KLRK1: variants seen among roughly 807,000 people sequenced by gnomAD.
KLRK1 encodes the protein NKG2-D type II integral membrane protein.
In KLRK1, 40 loss-of-function variants were observed where a neutral mutation model predicts 31.3. The ratio of observed to expected loss-of-function variants is 1.28; its 90% CI spans 0.99 to 1.67. The LOEUF (loss-of-function observed/expected upper bound fraction) is 1.67. KLRK1 is among the 40% of genes most tolerant of loss of function. The pLI is 0.00. For missense variants in KLRK1, 251 were observed against 260.0 expected, an observed-to-expected ratio of 0.97 and a Z score of 0.24; for synonymous variants, 77 against 77.3, an observed-to-expected ratio of 1.00 and a Z score of 0.02.
rs1261132187 is a variant in KLRK1 at position 10,373,217 on chromosome 12, T to G, written c.548A>C (p.Glu183Ala). ...GAGTGCACAGTCTCCCTTCTGCATTTCAATTATTGTTAGTCTAGAGGAGAG... is the reference window on the plus strand; with the variant it reads ...GAGTGCACAGTCTCCCTTCTGCATTGCAATTATTGTTAGTCTAGAGGAGAG... The part of the protein sequence containing the change: ...ILSPNLLTII[E>A]MQKGDCALYA... The change falls in exon 8 of 8, where the codon GAA becomes GCA. Residue 183 changes from glutamate (E) to alanine (A), a missense_variant. Glu to Ala is a moderately radical substitution (Grantham distance 107, BLOSUM62 -1). Coordinates refer to ENST00000240618, the MANE Select transcript of KLRK1 (RefSeq NM_007360.4). 1 of 1,595,908 alleles carries G rather than the reference T, an allele frequency of 6.3e-7. No individual in the cohort carries two copies. Among genetic ancestry groups the G allele is most frequent in the East Asian group, 2.3e-5 (1 of 44,386 alleles).
chr12:10,373,280 G>GA, intron 7 of KLRK1, 49 bp from the exon 8 acceptor site: 1 of 1,474,744 alleles, frequency 6.8e-7, no homozygotes, highest in South Asian at 1.3e-5. Flanking sequence ...ATTAACGCGG[G>GA]AAAATAAAAA....
chr12:10,389,091 A>G (rs1484838581), intron 1 of KLRK1: 11 of 415,066 alleles, frequency 2.7e-5, no homozygotes, highest in Non-Finnish European at 3.9e-5. Flanking sequence ...TGTCATAACA[A>G]TATAATGAAC....
rs1357836512 is a variant in KLRK1 at position 10,388,761 on chromosome 12, A to G, written c.40+10T>C. The G allele has an allele frequency of 6.3e-7, 1 of 1,592,228 alleles. No homozygotes were observed. Among genetic ancestry groups the G allele is most frequent in the Non-Finnish European group, 8.5e-7 (1 of 1,179,134 alleles). On this transcript the variant is annotated intron_variant, in intron 2 of 7. Transcript: ENST00000240618. Reference sequence around the variant, plus strand: ...AAACAAAACTACACACTTATGTGGTAAAAACATACCCCAGCTGTGTCGAGA... The same window carrying G: ...AAACAAAACTACACACTTATGTGGTGAAAACATACCCCAGCTGTGTCGAGA...
chr12:10,388,558 T>C (rs879664554), intron 2 of KLRK1, among the ~76,000 whole-genome samples: 2 of 152,148 alleles, frequency 1.3e-5, no homozygotes, highest in Non-Finnish European at 2.9e-5. Context: ...GACTTTACCA[T>C]AATATAGTTA....
chr12:10,374,182 T>A (rs986012249), intron 7 of KLRK1: 1 of 152,180 alleles, frequency 6.6e-6, no homozygotes, highest in South Asian at 2.1e-4. Flanking sequence ...TCCGGCTAAT[T>A]TTTTTATTTT....
chr12:10,388,651 A>G, intron 2 of KLRK1, 120 bp downstream of exon 2: 1 of 1,158,952 alleles, frequency 8.6e-7, no homozygotes, highest in Non-Finnish European at 1.2e-6. Context: ...ATCAACATAA[A>G]TAGAACATGA....
intron 3 of KLRK1, among the ~76,000 whole-genome samples, chr12:10,384,522 T>G (rs1273738024): frequency 6.6e-6 from 1 of 151,944 alleles, no homozygotes; most frequent in Admixed American, 6.6e-5. Flanking sequence ...CTTCAATAAA[T>G]GAAGCTGAAA....
chr12:10,381,896 G>A (rs1863082818), intron 3 of KLRK1: 4 of 152,256 alleles, frequency 2.6e-5, no homozygotes, highest in Admixed American at 2.6e-4. Flanking sequence ...AAATAAGAGT[G>A]TGGGACTTTG....
At chr12:10,374,851 CATCTCTGTAGTT>C (rs1253909406) in intron 7 of KLRK1, among the ~76,000 whole-genome samples, 1 of 152,290 alleles carries the variant, frequency 6.6e-6, no homozygotes, top group African/African-American at 2.4e-5. Context: ...TTATTCTACT[CATCTCTGTAGTT>C]ATCTCTGCAT....
intron 3 of KLRK1, among the ~76,000 whole-genome samples, chr12:10,384,701 G>C (rs1160367099): frequency 2.6e-5 from 4 of 151,918 alleles, no homozygotes; most frequent in African/African-American, 9.7e-5. Context: ...GATTTTATGG[G>C]TAAGAATTCA....
chr12:10,380,059 G>GTTTTTTTTT (rs1162094591), intron 3 of KLRK1, among the ~76,000 whole-genome samples: 98 of 83,764 alleles, frequency 1.2e-3, no homozygotes, highest in African/African-American at 2.4e-3. Flanking sequence ...TGTTGTTATT[G>GTTTTTTTTT]TTTTTTTTTT....
intron 3 of KLRK1, among the ~76,000 whole-genome samples, chr12:10,385,489 C>T (rs1400291428): frequency 6.6e-6 from 1 of 151,554 alleles, no homozygotes; most frequent in Non-Finnish European, 1.5e-5. Flanking sequence ...CATAATGTTA[C>T]GTAGAGTAAA....
At chr12:10,385,637 T>C (rs1024741974) in intron 3 of KLRK1, among the ~76,000 whole-genome samples, 4 of 151,746 alleles carry the variant, frequency 2.6e-5, no homozygotes, top group Non-Finnish European at 5.9e-5. Context: ...TTGGGAGAGG[T>C]TGGTTAATGA....
At chr12:10,383,093 G>A (rs754910685) in intron 3 of KLRK1, among the ~76,000 whole-genome samples, 96 of 151,992 alleles carry the variant, frequency 6.3e-4, no homozygotes, top group Non-Finnish European at 1.2e-3. Flanking sequence ...AAGAAAGGAA[G>A]ACTTACAAAA....
At chr12:10,389,069 A>G (rs1282718341) in intron 1 of KLRK1, 194 bp from the exon 2 acceptor site, 3 of 452,564 alleles carry the variant, frequency 6.6e-6, no homozygotes, top group African/African-American at 1.9e-5. Flanking sequence ...ATAATCGCCA[A>G]TTACTTCAAA....
chr12:10,389,694 G>C (rs1370806634), intron 1 of KLRK1, among the ~76,000 whole-genome samples: 4 of 151,896 alleles, frequency 2.6e-5, no homozygotes, highest in Non-Finnish European at 4.4e-5. Context: ...TAGAGACAAG[G>C]CTTCTTCTTA....
intron 7 of KLRK1, among the ~76,000 whole-genome samples, chr12:10,374,307 C>T (rs577643767): frequency 3.3e-5 from 5 of 152,166 alleles, no homozygotes; most frequent in Non-Finnish European, 7.4e-5. Context: ...GCCACTGCAC[C>T]CGGCCCCAGC....
Position 10,378,646 on chromosome 12 carries a change from A to C in KLRK1, c.337T>G (p.Phe113Val). 6.2e-7 allele frequency: 1 copy of C among 1,610,240 alleles called. No individual in the cohort carries two copies. The highest frequency in any genetic ancestry group is 8.5e-7 in the Non-Finnish European group (1 of 1,179,204). ...TACCAGTTTTTACTCTCATCAAAAA[A>C]TTGGTAGCAGTTATTTTTGTAACAT... The part of the protein sequence containing the change: ...WICYKNNCYQ[F>V]FDESKNWYES... Residue 113 changes from phenylalanine (F) to valine (V), a missense_variant, in exon 6 of 8, where the codon TTT (phenylalanine) becomes GTT (valine). Physicochemically the swap from Phe to Val is conservative, Grantham distance 50. Transcript: ENST00000240618.
At chr12:10,384,958 A>T (rs1468067396) in intron 3 of KLRK1, among the ~76,000 whole-genome samples, 1 of 152,098 alleles carries the variant, frequency 6.6e-6, no homozygotes, top group African/African-American at 2.4e-5. Flanking sequence ...TTCTGAGAAG[A>T]TATACAAATA....
Sources: allele counts gnomAD v4.1 joint callset (sites outside exome capture counted in the v4.1 genomes callset), GRCh38; gene constraint gnomAD v4.1.1; transcripts MANE v1.5; gene names NCBI Gene and HGNC (gene_info 2026-07-23, HGNC 2026-07-21).